The following MSH4 variants were observed in gnomAD, a reference collection of about 807,000 sequenced individuals.
The protein encoded by MSH4 is mutS homolog 4, also known as mutS protein homolog 4.
Under a neutral mutation model 113.7 loss-of-function variants are expected in MSH4, and 106 were observed. That is an observed-to-expected ratio of 0.93 (90% CI 0.80 to 1.10). The LOEUF (loss-of-function observed/expected upper bound fraction) is 1.10, where lower values mean the gene tolerates loss of function less well. Ranked by LOEUF, MSH4 falls within the 50% of genes least tolerant of loss-of-function variation. MSH4 has a pLI of 0.00. For missense variants in MSH4, 1,061 were observed against 1,093.7 expected (o/e 0.97, Z 0.42); for synonymous variants, 368 against 380.2 (o/e 0.97, Z 0.37).
intron 8 of MSH4, among the ~76,000 whole-genome samples, chr1:75,864,777 A>G (rs1207758194): frequency 6.6e-6 from 1 of 152,060 alleles, no homozygotes; most frequent in African/African-American, 2.4e-5. Context: ...CCCATTTTGT[A>G]GTTTAATTTG....
At chr1:75,800,463 ATAGAT>A (rs1330834420) in intron 1 of MSH4, among the ~76,000 whole-genome samples, 1 of 152,200 alleles carries the variant, frequency 6.6e-6, no homozygotes. Context: ...GATTCGAAGA[ATAGAT>A]TAGAGAGGTG....
intron 8 of MSH4, among the ~76,000 whole-genome samples, chr1:75,851,894 A>C (rs1200036030): frequency 6.6e-6 from 1 of 152,232 alleles, no homozygotes; most frequent in Non-Finnish European, 1.5e-5. Context: ...CATAGATTAC[A>C]ATTCACACAT....
chr1:75,865,311 C>G (rs1274599502), intron 8 of MSH4, among the ~76,000 whole-genome samples: 1 of 151,140 alleles, frequency 6.6e-6, no homozygotes, highest in African/African-American at 2.4e-5. Flanking sequence ...GTTTTTTTTC[C>G]CTTCATAGTT....
intron 4 of MSH4, among the ~76,000 whole-genome samples, chr1:75,811,849 T>G (rs780685033): frequency 6.6e-6 from 1 of 152,230 alleles, no homozygotes; most frequent in Non-Finnish European, 1.5e-5. Flanking sequence ...TTCCTGTTCC[T>G]AATATATTCA....
chr1:75,819,629 A>G (rs1650365020), intron 6 of MSH4, among the ~76,000 whole-genome samples: 1 of 152,268 alleles, frequency 6.6e-6, no homozygotes, highest in Admixed American at 6.5e-5. Context: ...GTATTTGTTA[A>G]ATATTAAAAT....
At chr1:75,899,169 A>C (rs1652451282) in intron 18 of MSH4, among the ~76,000 whole-genome samples, 1 of 152,190 alleles carries the variant, frequency 6.6e-6, no homozygotes, top group African/African-American at 2.4e-5. Flanking sequence ...ATTACTCACC[A>C]ACTGTTACAT....
chr1:75,895,456 A>C (rs1362490748), intron 17 of MSH4, among the ~76,000 whole-genome samples: 2 of 152,166 alleles, frequency 1.3e-5, no homozygotes, highest in Admixed American at 1.3e-4. Flanking sequence ...CTGAAGCCAA[A>C]GGAAATACAG....
intron 8 of MSH4, among the ~76,000 whole-genome samples, chr1:75,853,331 C>T (rs1317738337): frequency 6.6e-6 from 1 of 152,122 alleles, no homozygotes; most frequent in African/African-American, 2.4e-5. Flanking sequence ...TCCCAAAGTA[C>T]TGGGGTTACA....
intron 8 of MSH4, among the ~76,000 whole-genome samples, chr1:75,855,033 GTT>G (rs35656516): frequency 9.2e-4 from 137 of 149,484 alleles, no homozygotes; most frequent in Non-Finnish European, 1.7e-3. Context: ...ATTTGTATTA[GTT>G]TTTTTTTTTC....
At chr1:75,905,726 G>A (rs1652612079) in intron 19 of MSH4, among the ~76,000 whole-genome samples, 1 of 151,986 alleles carries the variant, frequency 6.6e-6, no homozygotes, top group African/African-American at 2.4e-5. Context: ...TATTTGGATG[G>A]TCCACTGTTG....
intron 15 of MSH4, among the ~76,000 whole-genome samples, chr1:75,888,068 C>T (rs981193166): frequency 3.4e-5 from 5 of 148,958 alleles, no homozygotes; most frequent in African/African-American, 7.4e-5. Context: ...GGTATAGGTG[C>T]CGTTATTATA....
chr1:75,810,671 GA>G (rs1180403480), intron 3 of MSH4, 25 bp from the exon 4 acceptor site: 7 of 1,089,546 alleles, frequency 6.4e-6, no homozygotes, highest in Non-Finnish European at 3.9e-6. Context: ...CTTTATTTAA[GA>G]AATTGTTTAT....
chr1:75,887,245 T>C (rs1302132246), intron 15 of MSH4, among the ~76,000 whole-genome samples: 1 of 151,988 alleles, frequency 6.6e-6, no homozygotes, highest in Non-Finnish European at 1.5e-5. Context: ...GATCTGATGG[T>C]TTAAAAGTGT....
chr1:75,861,796 T>C (rs1651461480), intron 8 of MSH4, among the ~76,000 whole-genome samples: 1 of 152,196 alleles, frequency 6.6e-6, no homozygotes, highest in Admixed American at 6.5e-5. Context: ...CACTGCTCTC[T>C]TCAGAGCTGT....
chr1:75,862,816 G>T (rs890016530), intron 8 of MSH4, among the ~76,000 whole-genome samples: 1 of 152,108 alleles, frequency 6.6e-6, no homozygotes, highest in African/African-American at 2.4e-5. Context: ...TTTTCAGTAA[G>T]AAATTGTTTG....
intron 8 of MSH4, among the ~76,000 whole-genome samples, chr1:75,855,956 CAT>C (rs779158858): frequency 4.6e-5 from 7 of 152,130 alleles, no homozygotes; most frequent in Non-Finnish European, 1.0e-4. Context: ...ATTTATGTAA[CAT>C]ATAGTATTAT....
chr1:75,858,597 C>T (rs183474348), intron 8 of MSH4, among the ~76,000 whole-genome samples: 5 of 152,154 alleles, frequency 3.3e-5, no homozygotes, highest in East Asian at 1.9e-4. Context: ...GAACCAGACT[C>T]GCATCCCAGG....
At chr1:75,831,823 A>G (rs1048276143) in intron 7 of MSH4, among the ~76,000 whole-genome samples, 5 of 152,198 alleles carry the variant, frequency 3.3e-5, no homozygotes, top group Non-Finnish European at 5.9e-5. Flanking sequence ...AATGCCCACA[A>G]GAGAAAGCAG....
intron 17 of MSH4, among the ~76,000 whole-genome samples, chr1:75,891,184 G>C (rs1415749552): frequency 1.3e-5 from 2 of 152,018 alleles, no homozygotes; most frequent in African/African-American, 2.4e-5. Flanking sequence ...GGCAACTCAG[G>C]TAACTTTACA....
Sources: gnomAD v4.1 joint callset for allele counts (sites outside exome capture counted in the v4.1 genomes callset) on GRCh38, gnomAD v4.1.1 for gene constraint, MANE v1.5 for transcripts, NCBI Gene and HGNC (gene_info 2026-07-23, HGNC 2026-07-21) for gene names.